Variants in HAVCR2 observed in about 807,000 individuals in gnomAD.
HAVCR2 encodes the protein T cell immunoglobulin mucin 3.
HAVCR2 carries 13 observed loss-of-function variants against 24.7 expected under a neutral mutation model. The ratio of observed to expected loss-of-function variants is 0.53; its 90% CI spans 0.34 to 0.84. HAVCR2 has a LOEUF of 0.84. HAVCR2 is among the 40% of genes least tolerant of loss of function. The pLI, the probability that HAVCR2 is intolerant of heterozygous loss-of-function variation, is 0.01. For missense variants in HAVCR2, 343 were observed against 371.2 expected (o/e 0.92, Z 0.62); for synonymous variants, 154 against 143.4 (o/e 1.07, Z -0.53).
chr5:157,086,227 G>A lies in HAVCR2; in HGVS notation c.*875C>T, dbSNP rs1756910717. On this transcript the variant is annotated 3_prime_UTR_variant, in exon 7 of 7. Coordinates refer to ENST00000307851, the MANE Select transcript of HAVCR2 (RefSeq NM_032782.5). ...GCCCTGCAGGGCAGTCTTCATAAGG[G>A]AGACAAAAGAAGGGCTATGCACTGG... 1 of 152,234 alleles carries A rather than the reference G, an allele frequency of 6.6e-6. No homozygotes were observed. Among genetic ancestry groups the A allele is most frequent in the South Asian group, 2.1e-4 (1 of 4,830 alleles). 9.4% of individuals were successfully genotyped at this position (152,234 alleles called of 1,614,324 possible). A position where few individuals can be genotyped will look rare whatever the true frequency, so the allele number is the denominator to read the frequency against.
intron 6 of HAVCR2, 76 bp downstream of exon 6, chr5:157,088,865 G>T: frequency 7.9e-7 from 1 of 1,269,058 alleles, no homozygotes; most frequent in Non-Finnish European, 1.1e-6. Context: ...GGATTTCTCA[G>T]AGAAAAGATC....
At chr5:157,087,397 G>A in intron 6 of HAVCR2, 103 bp from the exon 7 acceptor site, 6 of 914,868 alleles carry the variant, frequency 6.6e-6, no homozygotes, top group Non-Finnish European at 9.7e-6. Flanking sequence ...TAAATATAGT[G>A]CATGATCTTT....
intron 5 of HAVCR2, among the ~76,000 whole-genome samples, chr5:157,090,476 T>C (rs911095106): frequency 3.3e-5 from 5 of 152,036 alleles, no homozygotes; most frequent in Non-Finnish European, 7.4e-5. Flanking sequence ...ATGCCCGTGG[T>C]CCTAGCTACT....
At chr5:157,092,894 A>ATAAAAAAAAAAAT (rs1561619837) in intron 5 of HAVCR2, among the ~76,000 whole-genome samples, 2 of 80,584 alleles carry the variant, frequency 2.5e-5, no homozygotes, top group African/African-American at 9.5e-5. Flanking sequence ...AAAAAAAAAA[A>ATAAAAAAAAAAAT]AAAAAAAAAA....
Position 157,087,108 on chromosome 5 carries a change from C to T in HAVCR2, c.900G>A (p.Met300Ile), listed in dbSNP as rs1378900186. 2 of 1,612,778 alleles carry T rather than the reference C, an allele frequency of 1.2e-6. No individual in the cohort carries two copies. Among genetic ancestry groups the T allele is most frequent in the African/African-American group, 2.7e-5 (2 of 74,872 alleles). ...PSQPLGCRFA[M>I]P ...AAAAATAAGGTGGTTGGATCTATGG[C>T]ATTGCAAAGCGACAACCCAAAGGTT... Residue 300 changes from methionine (M) to isoleucine (I), a missense_variant, in exon 7 of 7, where the codon ATG becomes ATA. Transcript: ENST00000307851.
chr5:157,091,951 A>G (rs1318762214), intron 5 of HAVCR2, among the ~76,000 whole-genome samples: 1 of 151,898 alleles, frequency 6.6e-6, no homozygotes, highest in Non-Finnish European at 1.5e-5. Context: ...TGATTTTAAT[A>G]TTTTCTCCAG....
At chr5:157,105,695 C>G (rs1757237371) in intron 2 of HAVCR2, among the ~76,000 whole-genome samples, 1 of 152,148 alleles carries the variant, frequency 6.6e-6, no homozygotes, top group African/African-American at 2.4e-5. Context: ...TATCTGGGCA[C>G]AAAGTACATG....
At chr5:157,096,229 CAA>C (rs386405404) in intron 4 of HAVCR2, among the ~76,000 whole-genome samples, 14 of 90,690 alleles carry the variant, frequency 1.5e-4, no homozygotes, top group Non-Finnish European at 1.6e-4. Context: ...GACTCCATCT[CAA>C]AAAAAAAAAA....
rs1756924433 is a variant in HAVCR2, at chr5:157,087,122, A to G, written c.886T>C (p.Cys296Arg). The G allele has an allele frequency of 1.2e-6, 2 of 1,613,072 alleles. No homozygotes were observed. The highest frequency in any genetic ancestry group is 1.7e-6 in the Non-Finnish European group (2 of 1,179,790). Residue 296 changes from cysteine (C) to arginine (R), a missense_variant, in exon 7 of 7, where the codon TGT becomes CGT. Transcript: ENST00000307851. ...SRQQPSQPLG[C>R]RFAMP Reference sequence around the variant, plus strand: ...TGGATCTATGGCATTGCAAAGCGACAACCCAAAGGTTGTGAGGGTTGCTGC... The same window carrying G: ...TGGATCTATGGCATTGCAAAGCGACGACCCAAAGGTTGTGAGGGTTGCTGC...
At chr5:157,092,674 A>G (rs7726326) in intron 5 of HAVCR2, among the ~76,000 whole-genome samples, 129,662 of 150,904 alleles carry the variant, frequency 0.86, 55,825 homozygotes, top group East Asian at 0.99. Flanking sequence ...TCAAACTCCC[A>G]GCCTCAGGTT....
chr5:157,087,211 G>T lies in HAVCR2; in HGVS notation c.797C>A (p.Thr266Asn). Residue 266 changes from threonine to asparagine, a missense_variant, in exon 7 of 7, where the codon ACC becomes AAC. Physicochemically the swap from Thr to Asn is moderately conservative, Grantham distance 65. Transcript: ENST00000307851. ...CACTTCATATACGTTCTCTTCAATG[G>T]TATAGATGTTTTCTTCTGAGCGAAT... Reference protein sequence around the residue: ...EGIRSEENIYTIEENVYEVEE... With the variant: ...EGIRSEENIYNIEENVYEVEE... 6.2e-7 allele frequency: 1 copy of T among 1,613,988 alleles called. No individual in the cohort carries two copies. Among genetic ancestry groups the T allele is most frequent in the Non-Finnish European group, 8.5e-7 (1 of 1,179,978 alleles).
At chr5:157,094,607 T>G (rs748185866) in intron 5 of HAVCR2, among the ~76,000 whole-genome samples, 1 of 151,814 alleles carries the variant, frequency 6.6e-6, no homozygotes, top group Non-Finnish European at 1.5e-5. Context: ...GGTCTCGAAC[T>G]CCTGACCTCA....
chr5:157,105,147 C>T (rs1259008906), intron 2 of HAVCR2, among the ~76,000 whole-genome samples: 2 of 152,014 alleles, frequency 1.3e-5, no homozygotes, highest in African/African-American at 4.8e-5. Context: ...TCACTGCAAC[C>T]TCCGCCTCCT....
chr5:157,095,225 A>C, intron 5 of HAVCR2, 81 bp downstream of exon 5: 2 of 1,477,388 alleles, frequency 1.4e-6, no homozygotes, highest in East Asian at 2.3e-5. Flanking sequence ...TATAAACATG[A>C]ATTTGCATTT....
At position 157,087,075 on chromosome 5, in the gene HAVCR2, C is replaced by A. The variant is rs777370174; in HGVS notation, c.*27G>T. The A allele has an allele frequency of 2.5e-6, 4 of 1,606,050 alleles. No homozygotes were observed. The Admixed American group carries it at 5.2e-5, about 21-fold the overall frequency. ...CATAGTTTCTGAAAAAGACAAAACA[C>A]CAAGCTCAAAAATAAGGTGGTTGGA... On this transcript the variant is annotated 3_prime_UTR_variant, in exon 7 of 7. Transcript: ENST00000307851.
rs1305065741 is a variant in HAVCR2, at chr5:157,104,739, G to A, written c.405C>T (p.Thr135=). ...LKLVIKPAKV[T]PAPTRQRDFT... is the part of the protein sequence containing the mutation. Reference sequence around the variant, plus strand: ...AGTCTCTCTGCCGAGTCGGTGCAGGGGTGACCTTGGCTAATGTCAGAAACA... The same window carrying A: ...AGTCTCTCTGCCGAGTCGGTGCAGGAGTGACCTTGGCTAATGTCAGAAACA... Residue 135 remains threonine, a synonymous_variant, in exon 3 of 7, where the codon ACC becomes ACT. Coordinates refer to ENST00000307851, the MANE Select transcript of HAVCR2 (RefSeq NM_032782.5). 3 of 1,596,256 alleles carry A rather than the reference G, an allele frequency of 1.9e-6. No homozygotes were observed. Among genetic ancestry groups the A allele is most frequent in the Non-Finnish European group, 8.5e-7 (1 of 1,169,704 alleles).
intron 6 of HAVCR2, 77 bp from the exon 7 acceptor site, chr5:157,087,371 C>T (rs1756928155): frequency 7.9e-7 from 1 of 1,265,610 alleles, no homozygotes; most frequent in African/African-American, 1.5e-5. Context: ...ATAGGCTTTC[C>T]CAAAGAGACA....
At chr5:157,092,878 CAAAAAAAAAAAAAAA>C (rs556443053) in intron 5 of HAVCR2, among the ~76,000 whole-genome samples, 35 of 44,040 alleles carry the variant, frequency 7.9e-4, no homozygotes, top group South Asian at 1.4e-3. Context: ...CTGTCTCTAC[CAAAAAAAAAAAAAAA>C]AAAAAAAAAA....
chr5:157,089,121 G>T (rs1756956883), intron 5 of HAVCR2, 144 bp from the exon 6 acceptor site: 1 of 655,222 alleles, frequency 1.5e-6, no homozygotes, highest in Non-Finnish European at 2.6e-6. Flanking sequence ...CTCAACGTGT[G>T]CCTTAGATAG....
Sources: gnomAD v4.1 joint callset for allele counts (sites outside exome capture counted in the v4.1 genomes callset) on GRCh38, gnomAD v4.1.1 for gene constraint, MANE v1.5 for transcripts, NCBI Gene and HGNC (gene_info 2026-07-23, HGNC 2026-07-21) for gene names.